CORO2A: variants seen among roughly 807,000 people sequenced by gnomAD.
CORO2A encodes coronin 2A.
In CORO2A, 47 loss-of-function variants were observed where a neutral mutation model predicts 62.4. That is an observed-to-expected ratio of 0.75 (90% confidence interval 0.60 to 0.96). The LOEUF (loss-of-function observed/expected upper bound fraction) is 0.96. Ranked by LOEUF, CORO2A falls within the 40% of genes least tolerant of loss-of-function variation. The pLI is 0.00. For missense variants in CORO2A, 610 were observed against 684.1 expected (o/e 0.89, Z 1.21); for synonymous variants, 273 against 268.9 (o/e 1.02, Z -0.15).
chr9:98,154,004 AT>A (rs1338924864), intron 2 of CORO2A, among the ~76,000 whole-genome samples: 1 of 152,086 alleles, frequency 6.6e-6, no homozygotes, highest in Non-Finnish European at 1.5e-5. Context: ...ATTTATCTTT[AT>A]AGATTTACTA....
chr9:98,167,510 A>C (rs1483917001), intron 1 of CORO2A, among the ~76,000 whole-genome samples: 1 of 152,218 alleles, frequency 6.6e-6, no homozygotes, highest in Non-Finnish European at 1.5e-5. Context: ...ATTTTTTAAA[A>C]GATCCGGTTT....
At chr9:98,138,929 C>T (rs1827529286) in intron 2 of CORO2A, among the ~76,000 whole-genome samples, 2 of 151,788 alleles carry the variant, frequency 1.3e-5, no homozygotes, top group Non-Finnish European at 2.9e-5. Context: ...CGCCTGTAGT[C>T]CCAGCTACTC....
intron 11 of CORO2A, among the ~76,000 whole-genome samples, chr9:98,126,039 T>C (rs1361233033): frequency 7.0e-6 from 1 of 143,350 alleles, no homozygotes; most frequent in Non-Finnish European, 1.5e-5. Context: ...ACCATCTTTT[T>C]TTTTTTTTTT....
chr9:98,128,679 C>G lies in CORO2A; in HGVS notation c.1008G>C (p.Glu336Asp). ...TGATCAGCTTGTAGAAGCGGAAGAT[C>G]TCGCAGGAGGACACGTCGAGTCCTC... ...PKRGLDVSSC[E>D]IFRFYKLITT... The change falls in exon 9 of 12, where the codon GAG (glutamate) becomes GAC (aspartate). Residue 336 changes from glutamate (E) to aspartate (D), a missense_variant. Transcript: ENST00000375077. 2 of 1,614,216 alleles carry G rather than the reference C, an allele frequency of 1.2e-6. No homozygotes were observed. The highest frequency in any genetic ancestry group is 1.7e-6 in the Non-Finnish European group (2 of 1,180,036).
chr9:98,159,420 T>G (rs767575095), intron 1 of CORO2A, among the ~76,000 whole-genome samples: 1 of 152,134 alleles, frequency 6.6e-6, no homozygotes, highest in Non-Finnish European at 1.5e-5. Context: ...GGCTTGGCAT[T>G]CAAGGCCTCT....
At chr9:98,148,100 A>G (rs796167459) in intron 2 of CORO2A, among the ~76,000 whole-genome samples, 1 of 36,042 alleles carries the variant, frequency 2.8e-5, no homozygotes, top group Admixed American at 2.6e-4. Flanking sequence ...AAAAAAAGAA[A>G]AAAAAAAAAA....
chr9:98,159,744 T>C (rs1468007826), intron 1 of CORO2A, among the ~76,000 whole-genome samples: 1 of 152,080 alleles, frequency 6.6e-6, no homozygotes, highest in Non-Finnish European at 1.5e-5. Flanking sequence ...TGACACTGTC[T>C]ACCCTGATTT....
At chr9:98,141,322 G>A (rs1827563106) in intron 2 of CORO2A, among the ~76,000 whole-genome samples, 1 of 146,996 alleles carries the variant, frequency 6.8e-6, no homozygotes, top group Admixed American at 6.8e-5. Flanking sequence ...ACAGGCCCTG[G>A]CCCAGGTCTC....
chr9:98,165,730 G>A (rs1459546715), intron 1 of CORO2A, among the ~76,000 whole-genome samples: 4 of 152,214 alleles, frequency 2.6e-5, no homozygotes, highest in Non-Finnish European at 4.4e-5. Flanking sequence ...TGATTCCAGC[G>A]CATGTTAGGA....
chr9:98,128,161 C>T lies in CORO2A; in HGVS notation c.1171+9G>A. On this transcript the variant is annotated intron_variant, in intron 10 of 11. Coordinates refer to ENST00000375077, the MANE Select transcript of CORO2A (RefSeq NM_052820.4). Reference sequence around the variant, plus strand: ...ACATTTGCCTGGGCCTCTTCTCTGCCTTCCTCACCTCGATTCATCCCGCTG... The same window carrying T: ...ACATTTGCCTGGGCCTCTTCTCTGCTTTCCTCACCTCGATTCATCCCGCTG... The T allele has an allele frequency of 6.2e-7, 1 of 1,610,278 alleles. No individual in the cohort carries two copies. Among genetic ancestry groups the T allele is most frequent in the South Asian group, 1.1e-5 (1 of 90,478 alleles).
chr9:98,179,522 T>C (rs1195276511), intron 1 of CORO2A, among the ~76,000 whole-genome samples: 1 of 152,186 alleles, frequency 6.6e-6, no homozygotes, highest in East Asian at 1.9e-4. Context: ...TACTGGTAGA[T>C]GGCAGCATCC....
intron 1 of CORO2A, among the ~76,000 whole-genome samples, chr9:98,177,116 T>C (rs1012949393): frequency 1.3e-5 from 2 of 152,144 alleles, no homozygotes; most frequent in Non-Finnish European, 2.9e-5. Flanking sequence ...CTTTGAAAGG[T>C]GAACTGTGTT....
chr9:98,154,653 A>G (rs1470757603), intron 2 of CORO2A, among the ~76,000 whole-genome samples: 3 of 152,082 alleles, frequency 2.0e-5, no homozygotes, highest in Non-Finnish European at 4.4e-5. Context: ...CTGTTAAAGT[A>G]TGGTTTAGTG....
At chr9:98,187,327 C>A (rs1274323279) in intron 1 of CORO2A, among the ~76,000 whole-genome samples, 1 of 146,708 alleles carries the variant, frequency 6.8e-6, no homozygotes, top group South Asian at 2.2e-4. Context: ...GGCATGATGG[C>A]GGATACCTAT....
chr9:98,133,233 C>T lies in CORO2A; in HGVS notation c.469-16G>A. 6.2e-7 allele frequency: 1 copy of T among 1,613,470 alleles called. No homozygotes were observed. Among genetic ancestry groups the T allele is most frequent in the Non-Finnish European group, 8.5e-7 (1 of 1,179,526 alleles). On this transcript the variant is annotated splice_polypyrimidine_tract_variant and intron_variant, in intron 4 of 11. Transcript: ENST00000375077. ...AGATCATCACCTGCATGGCAGAGAG[C>T]CAGCTCTGAGCACAGGGGCCACCTT...
intron 7 of CORO2A, 74 bp from the exon 8 acceptor site, chr9:98,129,964 T>C (rs2118800863): frequency 8.5e-7 from 1 of 1,179,452 alleles, no homozygotes. Flanking sequence ...AACCCAGCCA[T>C]GCAGCAAAGA....
chr9:98,130,393 CTTATT>C (rs1163074626), intron 7 of CORO2A, among the ~76,000 whole-genome samples: 1 of 152,126 alleles, frequency 6.6e-6, no homozygotes, highest in East Asian at 1.9e-4. Context: ...GGCCTGGGCC[CTTATT>C]TTAATATTCA....
At chr9:98,178,179 T>G (rs917724849) in intron 1 of CORO2A, among the ~76,000 whole-genome samples, 3 of 152,168 alleles carry the variant, frequency 2.0e-5, no homozygotes, top group Admixed American at 6.5e-5. Flanking sequence ...CCTGAGTAGC[T>G]GGGACCACAG....
chr9:98,122,929 C>G lies in CORO2A; in HGVS notation c.*1845G>C, dbSNP rs1827262321. Reference sequence around the variant, plus strand: ...TGGTTGGAAAGGTTGGTTTTGACCACCTGCCTGTGTTGTAGAATTGGGTTG... The same window carrying G: ...TGGTTGGAAAGGTTGGTTTTGACCAGCTGCCTGTGTTGTAGAATTGGGTTG... On this transcript the variant is annotated 3_prime_UTR_variant, in exon 12 of 12. Transcript: ENST00000375077. 1 of 152,278 alleles carries G rather than the reference C, an allele frequency of 6.6e-6. No homozygotes were observed. Among genetic ancestry groups the G allele is most frequent in the African/African-American group, 2.4e-5 (1 of 41,452 alleles). The allele number at this position is 152,278 out of a possible 1,614,324, so 9.4% of individuals were successfully genotyped here. A position where few individuals can be genotyped will look rare whatever the true frequency, so the allele number is the denominator to read the frequency against.
Sources: gnomAD v4.1 joint callset for allele counts (sites outside exome capture counted in the v4.1 genomes callset) on GRCh38, gnomAD v4.1.1 for gene constraint, MANE v1.5 for transcripts, NCBI Gene and HGNC (gene_info 2026-07-23, HGNC 2026-07-21) for gene names.